ZMIZ1: variants seen among roughly 807,000 people sequenced by gnomAD.
ZMIZ1 encodes the protein zinc finger MIZ domain-containing protein 1.
In ZMIZ1, 17 loss-of-function variants were observed where a neutral mutation model predicts 113.9. The observed-to-expected ratio is 0.15, with a 90% CI of 0.10 to 0.22. The LOEUF is 0.22. Among genes scored for constraint, ZMIZ1 ranks in the 10% least tolerant of loss-of-function variants. The probability of loss-of-function intolerance (pLI) is 1.00; values close to 1 mark genes in which losing one functional copy is unlikely to be tolerated. For synonymous variants in ZMIZ1, 607 were observed against 603.1 expected, an observed-to-expected ratio of 1.01 and a Z score of -0.09; for missense variants, 1,059 against 1,477.8, an observed-to-expected ratio of 0.72 and a Z score of 4.65.
intron 4 of ZMIZ1, among the ~76,000 whole-genome samples, chr10:79,178,256 C>T (rs1322035680): frequency 6.6e-6 from 1 of 152,224 alleles, no homozygotes; most frequent in Non-Finnish European, 1.5e-5. Context: ...GGGCCCCATT[C>T]GAGTGCTCAT....
At chr10:79,243,282 C>T (rs1206949789) in intron 7 of ZMIZ1, among the ~76,000 whole-genome samples, 1 of 150,326 alleles carries the variant, frequency 6.7e-6, no homozygotes, top group Non-Finnish European at 1.5e-5. Flanking sequence ...CCCCCGCGCG[C>T]CCCCGGCCCA....
At chr10:79,177,493 C>G (rs1589382030) in intron 4 of ZMIZ1, among the ~76,000 whole-genome samples, 1 of 152,186 alleles carries the variant, frequency 6.6e-6, no homozygotes, top group South Asian at 2.1e-4. Context: ...ATCCACCCTG[C>G]GAGGTGAGAA....
In ZMIZ1 at chr10:79,292,151, C is replaced by G; in HGVS notation, c.759-7C>G. 1 of 1,604,806 alleles carries G rather than the reference C, an allele frequency of 6.2e-7. No homozygotes were observed. The highest frequency in any genetic ancestry group is 8.5e-7 in the Non-Finnish European group (1 of 1,174,380). ...TACCTAACTCTTCCACCCTTCTCCC[C>G]CTGCAGTTACCCTGGGGGTCCTAAC... On this transcript the variant is annotated splice_region_variant and splice_polypyrimidine_tract_variant and intron_variant, in intron 10 of 24. Coordinates refer to ENST00000334512, the MANE Select transcript of ZMIZ1 (RefSeq NM_020338.4).
chr10:79,097,959 TGACTC>T (rs1344477862), intron 1 of ZMIZ1, among the ~76,000 whole-genome samples: 1 of 152,182 alleles, frequency 6.6e-6, no homozygotes. Context: ...CCTTTGGACT[TGACTC>T]TGTGGATCAC....
At chr10:79,290,563 G>T (rs988984116) in intron 9 of ZMIZ1, among the ~76,000 whole-genome samples, 1 of 152,194 alleles carries the variant, frequency 6.6e-6, no homozygotes, top group African/African-American at 2.4e-5. Flanking sequence ...GGGCCCCTGT[G>T]TGACAAGACG....
chr10:79,292,109 C>G (rs370169673), intron 10 of ZMIZ1, 49 bp from the exon 11 acceptor site: 1 of 1,543,030 alleles, frequency 6.5e-7, no homozygotes, highest in Non-Finnish European at 8.9e-7. Context: ...CCCTCAGTTC[C>G]CCTCAGATGC....
chr10:79,137,948 A>C (rs1020770178), intron 2 of ZMIZ1, among the ~76,000 whole-genome samples: 1 of 152,106 alleles, frequency 6.6e-6, no homozygotes, highest in African/African-American at 2.4e-5. Flanking sequence ...CCTGGGCCCA[A>C]CTGACTGTGG....
intron 3 of ZMIZ1, among the ~76,000 whole-genome samples, chr10:79,142,887 G>A (rs1056322012): frequency 1.3e-5 from 2 of 152,232 alleles, no homozygotes; most frequent in African/African-American, 4.8e-5. Context: ...GCACCGAGCA[G>A]CTCCCTATTG....
intron 3 of ZMIZ1, among the ~76,000 whole-genome samples, chr10:79,160,657 C>G (rs902392268): frequency 6.6e-6 from 1 of 152,268 alleles, no homozygotes; most frequent in African/African-American, 2.4e-5. Flanking sequence ...AATCACCAGG[C>G]CTCTTTGCCT....
intron 1 of ZMIZ1, among the ~76,000 whole-genome samples, chr10:79,086,487 G>T (rs1050741002): frequency 2.1e-4 from 32 of 152,190 alleles, no homozygotes; most frequent in Admixed American, 2.1e-3. Context: ...TGCTTGTTCA[G>T]CATATAGAAT....
chr10:79,159,154 G>A (rs549221049), intron 3 of ZMIZ1, among the ~76,000 whole-genome samples: 29 of 152,314 alleles, frequency 1.9e-4, no homozygotes, highest in Non-Finnish European at 2.6e-4. Context: ...CACTCACTCC[G>A]TGGCACCAAG....
intron 3 of ZMIZ1, among the ~76,000 whole-genome samples, chr10:79,149,734 C>T (rs969131519): frequency 6.6e-5 from 10 of 152,228 alleles, no homozygotes; most frequent in Admixed American, 5.2e-4. Flanking sequence ...GTTCTGCATT[C>T]GAAGCCTGAA....
At chr10:79,183,096 C>T (rs550824071) in intron 4 of ZMIZ1, among the ~76,000 whole-genome samples, 1 of 152,218 alleles carries the variant, frequency 6.6e-6, no homozygotes, top group Non-Finnish European at 1.5e-5. Context: ...CAGGAGTGGA[C>T]TGGCCAGACT....
chr10:79,257,521 G>A (rs972039593), intron 7 of ZMIZ1, among the ~76,000 whole-genome samples: 2 of 152,236 alleles, frequency 1.3e-5, no homozygotes, highest in Non-Finnish European at 2.9e-5. Flanking sequence ...GCAGAGCTGG[G>A]GTGGGTCAGG....
chr10:79,201,444 G>C (rs545134414), intron 4 of ZMIZ1, 140 bp from the exon 5 acceptor site: 198 of 652,404 alleles, frequency 3.0e-4, no homozygotes, highest in Admixed American at 4.9e-4. Flanking sequence ...AGCCCAGTGG[G>C]GTACCCCAGG....
chr10:79,274,574 T>TGC (rs914252973), intron 7 of ZMIZ1, among the ~76,000 whole-genome samples: 18 of 152,254 alleles, frequency 1.2e-4, no homozygotes, highest in African/African-American at 4.3e-4. Flanking sequence ...TGTGTTGGTT[T>TGC]GCACCATAAG....
chr10:79,306,034 G>A (rs1854668143), intron 21 of ZMIZ1, 66 bp from the exon 22 acceptor site: 1 of 1,568,696 alleles, frequency 6.4e-7, no homozygotes, highest in South Asian at 1.2e-5. Context: ...TGTCGGAGCT[G>A]GAGGTGCTTT....
chr10:79,115,056 C>T (rs1479049215), intron 1 of ZMIZ1, among the ~76,000 whole-genome samples: 2 of 152,226 alleles, frequency 1.3e-5, no homozygotes, highest in African/African-American at 4.8e-5. Flanking sequence ...AACAATCAGC[C>T]CAGGTGATTC....
intron 15 of ZMIZ1, 103 bp from the exon 16 acceptor site, chr10:79,298,947 C>T (rs1854104253): frequency 2.8e-6 from 4 of 1,447,332 alleles, no homozygotes; most frequent in African/African-American, 1.4e-5. Context: ...ACACCCCTGC[C>T]TTCCTCTGAG....
Sources: allele counts gnomAD v4.1 joint callset (sites outside exome capture counted in the v4.1 genomes callset), GRCh38; gene constraint gnomAD v4.1.1; transcripts MANE v1.5; gene names NCBI Gene and HGNC (gene_info 2026-07-23, HGNC 2026-07-21).